The following GPM6A variants were observed in gnomAD, a reference collection of about 807,000 sequenced individuals.
GPM6A encodes the protein glycoprotein M6A.
A neutral mutation model predicts 32.1 loss-of-function variants in GPM6A; 7 were observed. That is an observed-to-expected ratio of 0.22 (90% CI 0.12 to 0.41). GPM6A has a LOEUF of 0.41. Among genes scored for constraint, GPM6A ranks in the 10% least tolerant of loss-of-function variants. The probability of loss-of-function intolerance (pLI) is 1.00; values close to 1 mark genes in which losing one functional copy is unlikely to be tolerated. For synonymous variants in GPM6A, 130 were observed against 123.4 expected (o/e 1.05, Z -0.35); for missense variants, 235 against 347.2 (o/e 0.68, Z 2.57).
Position 175,940,541 on chromosome 4 carries a change from TCTG to T in GPM6A, c.-23+61765_-23+61767del, listed in dbSNP as rs765527091. On this transcript the variant is annotated intron_variant, in intron 1 of 7. Transcript: ENST00000280187. Reference sequence around the variant, plus strand: ...TTGATATTTCATTTATAACAGCTGCTCTGCTATGAAATTATAGTAAAAGTGAAT... The same window carrying T: ...TTGATATTTCATTTATAACAGCTGCTCTATGAAATTATAGTAAAAGTGAAT... 3.3e-4 allele frequency among the ~76,000 whole-genome samples: 50 copies of T among 152,288 alleles called. No individual in the cohort carries two copies. In the East Asian group the frequency reaches 3.5e-3, roughly 11 times the overall value.
chr4:175,830,678 T>C (rs573844002), intron 1 of GPM6A, among the ~76,000 whole-genome samples: 3 of 152,332 alleles, frequency 2.0e-5, no homozygotes, highest in South Asian at 2.1e-4. Context: ...TTCATCCATT[T>C]TGAATAAAGA....
At chr4:175,637,525 A>G (rs950222771) in intron 6 of GPM6A, among the ~76,000 whole-genome samples, 104 of 71,206 alleles carry the variant, frequency 1.5e-3, no homozygotes, top group African/African-American at 5.5e-3. Context: ...ATTTTTATAT[A>G]TATAAAAATA....
At chr4:175,662,727 A>C (rs1742500878) in intron 3 of GPM6A, among the ~76,000 whole-genome samples, 1 of 152,168 alleles carries the variant, frequency 6.6e-6, no homozygotes, top group South Asian at 2.1e-4. Flanking sequence ...AGCAATATAC[A>C]GATATATATC....
chr4:175,936,793 G>A (rs767115281), intron 1 of GPM6A, among the ~76,000 whole-genome samples: 22 of 152,018 alleles, frequency 1.4e-4, no homozygotes, highest in Admixed American at 2.6e-4. Context: ...GTGGTAAATT[G>A]TAGTGGGGGG....
chr4:175,688,316 A>G (rs1220162486), intron 2 of GPM6A, among the ~76,000 whole-genome samples: 1 of 152,176 alleles, frequency 6.6e-6, no homozygotes, highest in African/African-American at 2.4e-5. Context: ...TTCTTCTAGC[A>G]GTTTTATAAT....
rs1362032423 is a variant in GPM6A, at chr4:175,673,725, A to G, written c.342T>C (p.Tyr114=). The change falls in exon 3 of 7, where the codon TAT becomes TAC. Residue 114 remains tyrosine, a synonymous_variant. Transcript: ENST00000393658. The part of the protein sequence containing the change: ...FFTTGAIKDL[Y]GDFKITTCGR... ...CACAAGTGGTGATTTTGAAATCCCC[A>G]TAGAGATCTTTGATGGCCCCAGTTG... 6 of 1,612,704 alleles carry G rather than the reference A, an allele frequency of 3.7e-6. No homozygotes were observed. The highest frequency in any genetic ancestry group is 3.4e-6 in the Non-Finnish European group (4 of 1,179,028).
intron 1 of GPM6A, among the ~76,000 whole-genome samples, chr4:175,756,314 G>A (rs1206873311): frequency 1.3e-5 from 2 of 152,060 alleles, no homozygotes; most frequent in African/African-American, 4.8e-5. Flanking sequence ...ATGGAGTGAT[G>A]GAAAGAATGG....
chr4:175,662,481 T>C (rs1399900506), intron 3 of GPM6A, among the ~76,000 whole-genome samples: 2 of 151,974 alleles, frequency 1.3e-5, no homozygotes, highest in Non-Finnish European at 2.9e-5. Context: ...GTGTCTGTAA[T>C]CCCAGCTACT....
At chr4:175,893,656 G>A (rs113029529) in intron 1 of GPM6A, among the ~76,000 whole-genome samples, 4 of 152,172 alleles carry the variant, frequency 2.6e-5, no homozygotes, top group African/African-American at 7.2e-5. Flanking sequence ...CCTTCTTAAT[G>A]TCTTATAAGA....
chr4:175,680,392 T>G (rs1257057171), intron 2 of GPM6A, among the ~76,000 whole-genome samples: 1 of 152,212 alleles, frequency 6.6e-6, no homozygotes, highest in Admixed American at 6.5e-5. Flanking sequence ...TCAGAATTAC[T>G]TATTCACCTC....
At chr4:175,899,844 G>T (rs1737900440) in intron 1 of GPM6A, among the ~76,000 whole-genome samples, 1 of 151,954 alleles carries the variant, frequency 6.6e-6, no homozygotes, top group Non-Finnish European at 1.5e-5. Context: ...ACAAGCACAG[G>T]CAACCAAAGC....
chr4:175,817,820 C>G (rs1466592942), intron 1 of GPM6A, among the ~76,000 whole-genome samples: 1 of 152,204 alleles, frequency 6.6e-6, no homozygotes, highest in Admixed American at 6.5e-5. Flanking sequence ...TTGTACCCCC[C>G]AAGGTATTCA....
rs903927464 is a variant in GPM6A, at chr4:175,639,389, T to C, written c.684+740A>G. On this transcript the variant is annotated intron_variant, in intron 6 of 6. Transcript: ENST00000393658. ...CCAATTCATTCACCATCTTTACATA[T>C]TGACTCGGCTGTCACAGTCGTGAGG... Among the ~76,000 whole-genome samples the C allele has an allele frequency of 2.0e-5, 3 of 152,202 alleles. No individual in the cohort carries two copies. The South Asian group carries it at 6.2e-4, about 31-fold the overall frequency.
intron 1 of GPM6A, among the ~76,000 whole-genome samples, chr4:175,976,183 G>A (rs1317521805): frequency 2.1e-5 from 3 of 146,222 alleles, no homozygotes; most frequent in Non-Finnish European, 3.0e-5. Flanking sequence ...TTCTTGAGAC[G>A]GAGTCTTCCT....
At chr4:175,799,384 G>A (rs1264817195) in intron 1 of GPM6A, among the ~76,000 whole-genome samples, 1 of 152,070 alleles carries the variant, frequency 6.6e-6, no homozygotes, top group Non-Finnish European at 1.5e-5. Flanking sequence ...CAAAACGAGA[G>A]GCACTGAGCT....
At chr4:175,763,009 T>C (rs1235615126) in intron 1 of GPM6A, among the ~76,000 whole-genome samples, 2 of 152,190 alleles carry the variant, frequency 1.3e-5, no homozygotes, top group Non-Finnish European at 2.9e-5. Context: ...GGTTTCACAA[T>C]GCTGCCTGTG....
intron 1 of GPM6A, among the ~76,000 whole-genome samples, chr4:175,884,915 C>A (rs1737404302): frequency 6.6e-6 from 1 of 152,050 alleles, no homozygotes; most frequent in Non-Finnish European, 1.5e-5. Flanking sequence ...AATTTCTTTG[C>A]AAATTTGGAA....
intron 1 of GPM6A, among the ~76,000 whole-genome samples, chr4:175,723,616 T>A (rs1746255056): frequency 6.6e-6 from 1 of 152,106 alleles, no homozygotes; most frequent in Admixed American, 6.6e-5. Context: ...TTACTGTGTT[T>A]CAATTCTTTA....
intron 1 of GPM6A, among the ~76,000 whole-genome samples, chr4:175,997,905 C>T (rs55944017): frequency 0.15 from 23,404 of 152,036 alleles, 2,300 homozygotes; most frequent in Non-Finnish European, 0.22. Flanking sequence ...GCATTTAGTA[C>T]GTATCATGCA....
Sources: gnomAD v4.1 joint callset for allele counts (sites outside exome capture counted in the v4.1 genomes callset) on GRCh38, gnomAD v4.1.1 for gene constraint, MANE v1.5 for transcripts, NCBI Gene and HGNC (gene_info 2026-07-23, HGNC 2026-07-21) for gene names.